XKR9: variants seen among roughly 807,000 people sequenced by gnomAD.
XKR9 encodes XK related 9, also known as XK-related protein 9.
In XKR9, 32 loss-of-function variants were observed where a neutral mutation model predicts 32.0. The ratio of observed to expected loss-of-function variants is 1.00; its 90% CI spans 0.76 to 1.34. The LOEUF (loss-of-function observed/expected upper bound fraction) is 1.34. Among genes scored for constraint, XKR9 ranks in the 40% most tolerant of loss-of-function variants. XKR9 has a pLI of 0.00. For missense variants in XKR9, 546 were observed against 429.7 expected (o/e 1.27, Z -2.39); for synonymous variants, 168 against 143.4 (o/e 1.17, Z -1.22).
At chr8:70,930,525 TC>T in the XKR9 span, among the ~76,000 whole-genome samples, 9 of 152,158 alleles carry the variant, frequency 5.9e-5, no homozygotes, top group Admixed American at 4.6e-4. Flanking sequence ...ATATTTTAAA[TC>T]CCTTCAAAGT....
the XKR9 span, among the ~76,000 whole-genome samples, chr8:70,912,293 T>A: frequency 0.032 from 4,869 of 152,156 alleles, 125 homozygotes; most frequent in Non-Finnish European, 0.043. Flanking sequence ...TCACTAGTAG[T>A]GTGAAATATG....
the XKR9 span, among the ~76,000 whole-genome samples, chr8:70,851,815 A>C: frequency 6.6e-6 from 1 of 152,236 alleles, no homozygotes; most frequent in Non-Finnish European, 1.5e-5. Context: ...CATAAGACCT[A>C]AAACCATAAA....
chr8:70,809,636 A>G, the XKR9 span, among the ~76,000 whole-genome samples: 15 of 152,372 alleles, frequency 9.8e-5, no homozygotes, highest in African/African-American at 3.4e-4. Context: ...CATGAGAACT[A>G]CATGATGAAT....
chr8:70,790,280 G>A (rs1026947368), exon 4 of XKR9: 2 of 151,964 alleles, frequency 1.3e-5, no homozygotes, highest in African/African-American at 2.4e-5. Context: ...CAAGTTGAAA[G>A]TAGGTCCAAA....
At chr8:70,982,137 C>T in the XKR9 span, among the ~76,000 whole-genome samples, 3 of 152,226 alleles carry the variant, frequency 2.0e-5, no homozygotes. Flanking sequence ...CAGGAGGTGG[C>T]ACTTTCAAGA....
the XKR9 span, among the ~76,000 whole-genome samples, chr8:71,008,237 G>A: frequency 6.6e-6 from 1 of 152,186 alleles, no homozygotes; most frequent in Admixed American, 6.5e-5. Flanking sequence ...CAAGGGCAAA[G>A]AGCAAGTCCC....
At chr8:70,721,006 A>G (rs569205205) in intron 4 of XKR9, among the ~76,000 whole-genome samples, 1 of 152,074 alleles carries the variant, frequency 6.6e-6, no homozygotes, top group African/African-American at 2.4e-5. Context: ...CAGGGATTTG[A>G]CTTCTTCCCA....
At chr8:71,041,612 G>A in the XKR9 span, among the ~76,000 whole-genome samples, 8 of 152,246 alleles carry the variant, frequency 5.3e-5, no homozygotes, top group South Asian at 1.5e-3. Context: ...CATGTGGAGG[G>A]AGGGAACTGG....
chr8:70,848,887 C>G, the XKR9 span, among the ~76,000 whole-genome samples: 1 of 151,780 alleles, frequency 6.6e-6, no homozygotes, highest in East Asian at 1.9e-4. Context: ...ATCAATGCAA[C>G]GAGAAAAGCT....
chr8:70,686,003 A>G (rs149971305), intron 3 of XKR9, among the ~76,000 whole-genome samples: 16 of 151,866 alleles, frequency 1.1e-4, no homozygotes, highest in East Asian at 1.9e-4. Flanking sequence ...TCCTTTCTTT[A>G]TATATTTTAA....
At chr8:70,949,207 A>G in the XKR9 span, among the ~76,000 whole-genome samples, 2 of 152,100 alleles carry the variant, frequency 1.3e-5, no homozygotes, top group African/African-American at 4.8e-5. Flanking sequence ...TCTCTTTTTA[A>G]TGTATTTTCA....
the XKR9 span, among the ~76,000 whole-genome samples, chr8:70,817,904 A>G: frequency 2.0e-5 from 3 of 152,358 alleles, no homozygotes; most frequent in Non-Finnish European, 4.4e-5. Flanking sequence ...ATAACTGGCT[A>G]GCCATATGCA....
chr8:70,930,623 T>C, the XKR9 span, among the ~76,000 whole-genome samples: 1 of 152,204 alleles, frequency 6.6e-6, no homozygotes, highest in Non-Finnish European at 1.5e-5. Flanking sequence ...TGCCTGAACA[T>C]ATTTCAACTG....
At chr8:70,904,257 C>G in the XKR9 span, among the ~76,000 whole-genome samples, 5 of 152,250 alleles carry the variant, frequency 3.3e-5, no homozygotes, top group South Asian at 1.0e-3. Flanking sequence ...GTCTAAGTCT[C>G]TCTGTAGGTT....
intron 2 of XKR9, among the ~76,000 whole-genome samples, chr8:70,788,148 C>T (rs1315994600): frequency 6.6e-6 from 1 of 152,038 alleles, no homozygotes; most frequent in African/African-American, 2.4e-5. Flanking sequence ...CTGATCAGTT[C>T]TGTGTGATTA....
chr8:71,003,042 A>C, the XKR9 span, among the ~76,000 whole-genome samples: 1 of 152,144 alleles, frequency 6.6e-6, no homozygotes, highest in Non-Finnish European at 1.5e-5. Flanking sequence ...CCCTTCAACA[A>C]TTTTCAAGCT....
At chr8:70,760,543 G>A (rs2130206456) in intron 2 of XKR9, among the ~76,000 whole-genome samples, 2 of 152,180 alleles carry the variant, frequency 1.3e-5, no homozygotes, top group South Asian at 4.2e-4. Flanking sequence ...GTTTTGCTAT[G>A]TTTCCCAGGC....
At chr8:70,935,048 T>A in the XKR9 span, among the ~76,000 whole-genome samples, 1 of 150,556 alleles carries the variant, frequency 6.6e-6, no homozygotes, top group African/African-American at 2.4e-5. Context: ...TTTTCTCCTC[T>A]CAAGGTTAAT....
At chr8:71,036,688 G>A in the XKR9 span, among the ~76,000 whole-genome samples, 491 of 152,168 alleles carry the variant, frequency 3.2e-3, 2 homozygotes, top group Non-Finnish European at 5.1e-3. Flanking sequence ...GCAGGTGTCC[G>A]ATAAATGTTG....
Sources: gnomAD v4.1 joint callset for allele counts (sites outside exome capture counted in the v4.1 genomes callset) on GRCh38, gnomAD v4.1.1 for gene constraint, MANE v1.5 for transcripts, NCBI Gene and HGNC (gene_info 2026-07-23, HGNC 2026-07-21) for gene names.